The following OPHN1 variants were observed in gnomAD, a reference collection of about 807,000 sequenced individuals.
OPHN1 encodes oligophrenin-1.
In OPHN1, 11 loss-of-function variants were observed where a neutral mutation model predicts 60.7. The observed-to-expected ratio is 0.18, with a 90% CI of 0.11 to 0.30. The LOEUF (loss-of-function observed/expected upper bound fraction) is 0.30. Ranked by LOEUF, OPHN1 falls within the 10% of genes least tolerant of loss-of-function variation. OPHN1 has a pLI of 1.00. For missense variants in OPHN1, 449 were observed against 611.0 expected, an observed-to-expected ratio of 0.73 and a Z score of 2.80; for synonymous variants, 226 against 222.6, an observed-to-expected ratio of 1.02 and a Z score of -0.14.
At chrX:68,188,853 A>C (rs189734007) in intron 15 of OPHN1, among the ~76,000 whole-genome samples, 4 of 112,324 alleles carry the variant, frequency 3.6e-5, no homozygotes, top group African/African-American at 1.3e-4. Flanking sequence ...TAATTATGAA[A>C]ATGGAAAAAT....
intron 5 of OPHN1, among the ~76,000 whole-genome samples, chrX:68,256,081 C>T (rs1376258415): frequency 1.8e-5 from 2 of 111,173 alleles, no homozygotes; most frequent in African/African-American, 6.6e-5. Flanking sequence ...GACCTGCTCA[C>T]TGCGAATGCA....
At chrX:68,317,579 AAG>A (rs1166013032) in intron 2 of OPHN1, among the ~76,000 whole-genome samples, 1 of 87,971 alleles carries the variant, frequency 1.1e-5, no homozygotes, top group Non-Finnish European at 2.2e-5. Context: ...AAGAAAGAGA[AAG>A]AAAGAAAGAG....
intron 19 of OPHN1, among the ~76,000 whole-genome samples, chrX:68,085,616 G>A (rs904144245): frequency 5.4e-5 from 6 of 111,916 alleles, no homozygotes; most frequent in Non-Finnish European, 1.1e-4. Context: ...TATAACTAGT[G>A]GAATTGGGAA....
chrX:68,327,987 G>T (rs1418858111), intron 2 of OPHN1, among the ~76,000 whole-genome samples: 1 of 99,549 alleles, frequency 1.0e-5, no homozygotes, highest in Non-Finnish European at 2.0e-5. Context: ...CCGCCACCGC[G>T]CCCGGCTAAT....
chrX:68,426,983 G>A (rs1178506249), intron 2 of OPHN1, among the ~76,000 whole-genome samples: 4 of 105,802 alleles, frequency 3.8e-5, no homozygotes, highest in African/African-American at 1.0e-4. Context: ...CAGGCACAGC[G>A]GCTCACACCT....
chrX:68,406,380 G>A (rs933839966), intron 2 of OPHN1, among the ~76,000 whole-genome samples: 8 of 111,055 alleles, frequency 7.2e-5, no homozygotes, highest in African/African-American at 2.6e-4. Flanking sequence ...GGGAGGCCGA[G>A]GTGGGCAGAT....
intron 2 of OPHN1, among the ~76,000 whole-genome samples, chrX:68,310,751 A>G (rs1257502456): frequency 8.9e-6 from 1 of 112,376 alleles, no homozygotes; most frequent in African/African-American, 3.2e-5. Flanking sequence ...CATTTGCTCA[A>G]CAACAACACT....
At chrX:68,247,487 T>C (rs2077812015) in intron 5 of OPHN1, among the ~76,000 whole-genome samples, 1 of 111,665 alleles carries the variant, frequency 9.0e-6, no homozygotes, top group Non-Finnish European at 1.9e-5. Flanking sequence ...CCATTACAAC[T>C]GGCTTTCAAC....
chrX:68,331,234 TATTA>T (rs988470641), intron 2 of OPHN1, among the ~76,000 whole-genome samples: 87 of 106,802 alleles, frequency 8.1e-4, no homozygotes, highest in Non-Finnish European at 1.2e-3. Flanking sequence ...TAATGTATTG[TATTA>T]ATTATATATT....
chrX:68,163,381 G>A (rs189242306), intron 15 of OPHN1, among the ~76,000 whole-genome samples: 7 of 108,719 alleles, frequency 6.4e-5, no homozygotes, highest in Non-Finnish European at 1.3e-4. Context: ...CCATGTTGTC[G>A]CAAATGGCAC....
chrX:68,410,571 A>G (rs938627638), intron 2 of OPHN1, among the ~76,000 whole-genome samples: 5 of 110,432 alleles, frequency 4.5e-5, no homozygotes, highest in Non-Finnish European at 3.8e-5. Context: ...AAAAAAAAAA[A>G]AGTGGAAGAA....
intron 7 of OPHN1, 136 bp from the exon 8 acceptor site, chrX:68,212,348 A>C (rs1978302328): frequency 2.1e-6 from 1 of 478,957 alleles, no homozygotes; most frequent in Admixed American, 2.9e-5. Flanking sequence ...GCACTTTGGG[A>C]GGCCGAGGCG....
chrX:68,101,970 T>C (rs965012305), intron 18 of OPHN1: 11 of 112,223 alleles, frequency 9.8e-5, no homozygotes, highest in African/African-American at 2.3e-4. Flanking sequence ...TTAGCTGAAA[T>C]ATATGACAAA....
intron 2 of OPHN1, among the ~76,000 whole-genome samples, chrX:68,404,703 C>T (rs1880317768): frequency 9.0e-6 from 1 of 111,451 alleles, no homozygotes; most frequent in Admixed American, 9.6e-5. Context: ...AATTCTGACA[C>T]ATTCGGGTAG....
intron 15 of OPHN1, among the ~76,000 whole-genome samples, chrX:68,182,617 A>G (rs964076076): frequency 8.9e-5 from 10 of 111,855 alleles, no homozygotes; most frequent in Admixed American, 4.7e-4. Flanking sequence ...AGTTGTTGAA[A>G]ACAGAGGGTC....
chrX:68,377,756 G>A (rs2078568489), intron 2 of OPHN1, among the ~76,000 whole-genome samples: 1 of 111,077 alleles, frequency 9.0e-6, no homozygotes, highest in Non-Finnish European at 1.9e-5. Context: ...CAAAGGACAT[G>A]AACTCATCAT....
chrX:68,402,972 T>C (rs2078723045), intron 2 of OPHN1, among the ~76,000 whole-genome samples: 1 of 111,871 alleles, frequency 8.9e-6, no homozygotes. Flanking sequence ...CAGGAGTATC[T>C]GAAGTAAAGA....
intron 6 of OPHN1, among the ~76,000 whole-genome samples, chrX:68,221,011 A>G (rs1024305919): frequency 9.6e-6 from 1 of 103,852 alleles, no homozygotes; most frequent in African/African-American, 3.4e-5. Context: ...TGCAGACGAC[A>G]TGATTGTATA....
At chrX:68,141,895 G>A (rs2077244061) in intron 15 of OPHN1, among the ~76,000 whole-genome samples, 1 of 96,967 alleles carries the variant, frequency 1.0e-5, no homozygotes, top group Non-Finnish European at 2.0e-5. Context: ...AAAAGATGGT[G>A]ATGTTAATTA....
Sources: gnomAD v4.1 joint callset for allele counts (sites outside exome capture counted in the v4.1 genomes callset) on GRCh38, gnomAD v4.1.1 for gene constraint, MANE v1.5 for transcripts, NCBI Gene and HGNC (gene_info 2026-07-23, HGNC 2026-07-21) for gene names.